The following KIAA1549L variants were observed in gnomAD, a reference collection of about 807,000 sequenced individuals.
KIAA1549L encodes the protein UPF0606 protein KIAA1549L.
In KIAA1549L, 88 loss-of-function variants were observed where a neutral mutation model predicts 160.7. The observed-to-expected ratio is 0.55, with a 90% CI of 0.46 to 0.65. The LOEUF (loss-of-function observed/expected upper bound fraction) is 0.65, where lower values mean the gene tolerates loss of function less well. KIAA1549L is among the 30% of genes least tolerant of loss of function. The pLI is 0.00. For synonymous variants in KIAA1549L, 950 were observed against 976.7 expected (o/e 0.97, Z 0.51); for missense variants, 2,258 against 2,437.5 (o/e 0.93, Z 1.55).
At chr11:33,664,707 G>T (rs1280173156) in intron 20 of KIAA1549L, among the ~76,000 whole-genome samples, 1 of 152,186 alleles carries the variant, frequency 6.6e-6, no homozygotes, top group Admixed American at 6.5e-5. Flanking sequence ...CAGAAAGTGG[G>T]CCCTCACCAG....
chr11:33,610,002 A>G (rs371009828), intron 15 of KIAA1549L, 36 bp downstream of exon 15: 77 of 1,535,296 alleles, frequency 5.0e-5, no homozygotes, highest in Non-Finnish European at 6.5e-5. Context: ...AGGGTGCTGT[A>G]TCATTGGTGG....
intron 16 of KIAA1549L, among the ~76,000 whole-genome samples, chr11:33,636,434 C>T (rs1490343608): frequency 6.6e-6 from 1 of 151,406 alleles, no homozygotes; most frequent in Non-Finnish European, 1.5e-5. Context: ...CTGCAACTTC[C>T]ACCTCCTGGG....
intron 1 of KIAA1549L, among the ~76,000 whole-genome samples, chr11:33,397,749 C>CAT (rs1342916689): frequency 4.1e-5 from 4 of 96,784 alleles, no homozygotes; most frequent in Admixed American, 3.2e-4. Flanking sequence ...CACACACACA[C>CAT]ACACACAAAA....
chr11:33,483,211 A>G (rs1852449853), intron 1 of KIAA1549L, among the ~76,000 whole-genome samples: 1 of 152,184 alleles, frequency 6.6e-6, no homozygotes, highest in African/African-American at 2.4e-5. Flanking sequence ...ATCGTTCTAG[A>G]ATAAATGAGA....
intron 1 of KIAA1549L, among the ~76,000 whole-genome samples, chr11:33,384,937 GTT>G (rs1212050863): frequency 1.7e-5 from 2 of 114,620 alleles, no homozygotes; most frequent in African/African-American, 4.6e-5. Flanking sequence ...CGTTTTTTTT[GTT>G]TTTTGTTTTT....
chr11:33,448,279 A>G (rs1204940118), intron 1 of KIAA1549L, among the ~76,000 whole-genome samples: 2 of 152,078 alleles, frequency 1.3e-5, no homozygotes, highest in African/African-American at 4.8e-5. Context: ...CCACTAGTGG[A>G]TAGATTTTCT....
At chr11:33,518,841 T>G (rs1853416422) in intron 1 of KIAA1549L, among the ~76,000 whole-genome samples, 1 of 152,214 alleles carries the variant, frequency 6.6e-6, no homozygotes, top group African/African-American at 2.4e-5. Context: ...ATAGAAGTGT[T>G]TCAGGTTTCA....
intron 16 of KIAA1549L, among the ~76,000 whole-genome samples, chr11:33,624,404 T>C (rs1157378619): frequency 1.3e-5 from 2 of 152,106 alleles, no homozygotes; most frequent in Non-Finnish European, 2.9e-5. Flanking sequence ...GCCACCTATG[T>C]CTGCCAAGCC....
chr11:33,407,286 G>A (rs10836059), intron 1 of KIAA1549L, among the ~76,000 whole-genome samples: 107,082 of 151,020 alleles, frequency 0.71, 37,898 homozygotes, highest in African/African-American at 0.74. Flanking sequence ...GCGTTTCACC[G>A]TGTTAGCCAG....
chr11:33,419,130 C>T (rs1458224569), intron 1 of KIAA1549L, among the ~76,000 whole-genome samples: 2 of 152,174 alleles, frequency 1.3e-5, no homozygotes, highest in Admixed American at 6.5e-5. Context: ...GCCTCAGCTT[C>T]CCAAAGTGCT....
At position 33,572,699 on chromosome 11, in the gene KIAA1549L, T is replaced by G. The variant is rs1446824309; in HGVS notation, c.4231-2003T>G. Among the ~76,000 whole-genome samples the G allele has an allele frequency of 2.6e-5, 4 of 152,246 alleles. No individual in the cohort carries two copies. In the East Asian group the frequency reaches 7.7e-4, roughly 29 times the overall value. ...GAATATACTACAGTTTGTTTATCCA[T>G]TCTTCTGTTGGTATACACCTGGGCT... On this transcript the variant is annotated intron_variant, in intron 9 of 20. Coordinates refer to ENST00000658780, the MANE Select transcript of KIAA1549L (RefSeq NM_012194.3).
intron 10 of KIAA1549L, among the ~76,000 whole-genome samples, chr11:33,577,151 C>G (rs139737607): frequency 5.3e-5 from 8 of 151,962 alleles, no homozygotes; most frequent in African/African-American, 1.9e-4. Context: ...GAGAGAACTG[C>G]GTGTCGATTT....
intron 13 of KIAA1549L, among the ~76,000 whole-genome samples, chr11:33,602,401 A>G (rs1394210003): frequency 6.6e-6 from 1 of 152,238 alleles, no homozygotes; most frequent in Non-Finnish European, 1.5e-5. Flanking sequence ...GCTTTATCTA[A>G]TAAATAATAC....
Position 33,449,804 on chromosome 11 carries a change from G to A in KIAA1549L, c.238+72915G>A, listed in dbSNP as rs76914189. ...ACATGTCAGATGAAGTCCTAGATCCGGAAGAAAAAGAAGGCAGCAGTTTTG... is the reference window on the plus strand; with the variant it reads ...ACATGTCAGATGAAGTCCTAGATCCAGAAGAAAAAGAAGGCAGCAGTTTTG... On this transcript the variant is annotated intron_variant, in intron 1 of 20. Transcript: ENST00000658780. 7.9e-3 allele frequency among the ~76,000 whole-genome samples: 1,205 copies of A among 152,210 alleles called. 17 individuals carry two copies. Among genetic ancestry groups the A allele is most frequent in the African/African-American group, 0.027 (1,141 of 41,532 alleles).
chr11:33,488,054 C>T (rs954388589), intron 1 of KIAA1549L, among the ~76,000 whole-genome samples: 2 of 152,196 alleles, frequency 1.3e-5, no homozygotes, highest in Non-Finnish European at 2.9e-5. Context: ...TTATCTGTCA[C>T]TTAACATCTC....
intron 1 of KIAA1549L, among the ~76,000 whole-genome samples, chr11:33,481,382 C>T (rs1182521815): frequency 1.3e-5 from 2 of 152,010 alleles, no homozygotes; most frequent in South Asian, 2.1e-4. Context: ...GAAGTTTGTT[C>T]TATAGGTAAA....
intron 1 of KIAA1549L, among the ~76,000 whole-genome samples, chr11:33,451,794 T>TC (rs1851726588): frequency 6.6e-6 from 1 of 152,154 alleles, no homozygotes; most frequent in South Asian, 2.1e-4. Flanking sequence ...AGAACCTTTC[T>TC]CCCCCTTGAA....
intron 20 of KIAA1549L, among the ~76,000 whole-genome samples, chr11:33,667,255 A>G (rs1353578236): frequency 6.6e-6 from 1 of 150,962 alleles, no homozygotes; most frequent in Non-Finnish European, 1.5e-5. Context: ...ATAGACTCAG[A>G]TATATATTCC....
At chr11:33,655,695 G>A (rs1239524868) in intron 17 of KIAA1549L, among the ~76,000 whole-genome samples, 1 of 152,142 alleles carries the variant, frequency 6.6e-6, no homozygotes, top group Non-Finnish European at 1.5e-5. Flanking sequence ...CTGGATGAAT[G>A]AAATGAAGCG....
Sources: allele counts gnomAD v4.1 joint callset (sites outside exome capture counted in the v4.1 genomes callset), GRCh38; gene constraint gnomAD v4.1.1; transcripts MANE v1.5; gene names NCBI Gene and HGNC (gene_info 2026-07-23, HGNC 2026-07-21).